Variants in PSD3 observed in about 807,000 individuals in gnomAD.
The protein encoded by PSD3 is pleckstrin and Sec7 domain containing 3, also known as PH and SEC7 domain-containing protein 3.
PSD3 carries 49 observed loss-of-function variants against 105.5 expected under a neutral mutation model. The observed-to-expected ratio is 0.46, with a 90% CI of 0.37 to 0.59. The LOEUF (loss-of-function observed/expected upper bound fraction) is 0.59. Among genes scored for constraint, PSD3 ranks in the 20% least tolerant of loss-of-function variants. PSD3 has a pLI of 0.00. For missense variants in PSD3, 1,561 were observed against 1,263.8 expected (o/e 1.24, Z -3.57); for synonymous variants, 557 against 457.8 (o/e 1.22, Z -2.77).
At chr8:18,973,035 T>G (rs759090736) in intron 1 of PSD3, among the ~76,000 whole-genome samples, 8 of 152,178 alleles carry the variant, frequency 5.3e-5, no homozygotes, top group Non-Finnish European at 1.2e-4. Flanking sequence ...CAATATAGGA[T>G]AATGTAGACC....
At chr8:19,074,611 A>ATATT (rs1324257417) in intron 1 of PSD3, among the ~76,000 whole-genome samples, 17 of 24,214 alleles carry the variant, frequency 7.0e-4, no homozygotes, top group African/African-American at 1.9e-3. Flanking sequence ...ATATATATAT[A>ATATT]TTTTTTTTTT....
intron 12 of PSD3, among the ~76,000 whole-genome samples, chr8:18,581,078 T>C (rs940013848): frequency 6.6e-6 from 1 of 152,190 alleles, no homozygotes; most frequent in South Asian, 2.1e-4. Flanking sequence ...TGAAGCTTTG[T>C]GATAGCAAAG....
chr8:19,069,497 C>A (rs1359154844), intron 1 of PSD3, among the ~76,000 whole-genome samples: 1 of 152,232 alleles, frequency 6.6e-6, no homozygotes, highest in Non-Finnish European at 1.5e-5. Context: ...GCACCCATTA[C>A]ATGTACATCT....
At chr8:18,862,207 C>T (rs117825876) in intron 4 of PSD3, among the ~76,000 whole-genome samples, 102 of 152,076 alleles carry the variant, frequency 6.7e-4, no homozygotes, top group Non-Finnish European at 1.2e-3. Context: ...TCCTCCTTTA[C>T]GAGATAGGTA....
At chr8:18,863,746 T>C (rs1273811086) in intron 4 of PSD3, among the ~76,000 whole-genome samples, 1 of 151,972 alleles carries the variant, frequency 6.6e-6, no homozygotes, top group Admixed American at 6.6e-5. Context: ...TAAAGACAAA[T>C]AGACACGCAC....
chr8:18,868,804 A>T (rs1391850985), intron 3 of PSD3, among the ~76,000 whole-genome samples: 3 of 152,238 alleles, frequency 2.0e-5, no homozygotes, highest in Non-Finnish European at 2.9e-5. Context: ...AAGTAAAATT[A>T]AAAACTTGGG....
intron 8 of PSD3, among the ~76,000 whole-genome samples, chr8:18,790,947 C>A (rs536848414): frequency 4.6e-5 from 7 of 152,204 alleles, no homozygotes; most frequent in Admixed American, 4.6e-4. Context: ...AGCCGACAGC[C>A]AAATCATGAA....
intron 2 of PSD3, among the ~76,000 whole-genome samples, chr8:18,926,377 G>A (rs1050533952): frequency 6.6e-6 from 1 of 151,240 alleles, no homozygotes; most frequent in African/African-American, 2.4e-5. Context: ...TTAGACTTGG[G>A]TGTCATCCTC....
intron 4 of PSD3, among the ~76,000 whole-genome samples, chr8:18,863,779 C>A (rs997309998): frequency 6.6e-5 from 10 of 151,966 alleles, no homozygotes; most frequent in African/African-American, 2.4e-4. Flanking sequence ...CTGTCTTTCC[C>A]AACTGCATAC....
chr8:18,969,242 T>G (rs913710307), intron 1 of PSD3, among the ~76,000 whole-genome samples: 1 of 152,196 alleles, frequency 6.6e-6, no homozygotes, highest in Non-Finnish European at 1.5e-5. Context: ...TAACCATACA[T>G]TCTCTTAAAA....
At chr8:18,604,863 C>A (rs914498942) in intron 11 of PSD3, among the ~76,000 whole-genome samples, 5 of 152,206 alleles carry the variant, frequency 3.3e-5, no homozygotes, top group African/African-American at 1.2e-4. Flanking sequence ...ACTTTAGTGG[C>A]TTCCATGTGG....
At chr8:18,867,362 C>T (rs1232274373) in intron 4 of PSD3, among the ~76,000 whole-genome samples, 2 of 152,176 alleles carry the variant, frequency 1.3e-5, no homozygotes, top group Non-Finnish European at 2.9e-5. Context: ...GTTCGTTTCA[C>T]AGCACCACGT....
At chr8:19,029,821 A>T (rs1466876985) in intron 1 of PSD3, among the ~76,000 whole-genome samples, 1 of 152,172 alleles carries the variant, frequency 6.6e-6, no homozygotes, top group Non-Finnish European at 1.5e-5. Flanking sequence ...CAAAATTTTC[A>T]CTAATAAATT....
chr8:18,950,380 T>C (rs2129470012), intron 1 of PSD3, among the ~76,000 whole-genome samples: 1 of 152,332 alleles, frequency 6.6e-6, no homozygotes, highest in Non-Finnish European at 1.5e-5. Context: ...TGAAATTTAC[T>C]CTCAGTGATT....
chr8:18,919,396 A>T (rs1314149512), intron 2 of PSD3, among the ~76,000 whole-genome samples: 1 of 152,136 alleles, frequency 6.6e-6, no homozygotes. Flanking sequence ...GACCCGTGAG[A>T]ACAGGATTGC....
chr8:18,685,833 A>T (rs1800632446), intron 9 of PSD3, among the ~76,000 whole-genome samples: 1 of 152,176 alleles, frequency 6.6e-6, no homozygotes, highest in Non-Finnish European at 1.5e-5. Flanking sequence ...TAAGAAACTA[A>T]TACCATAATA....
intron 4 of PSD3, among the ~76,000 whole-genome samples, chr8:18,846,832 G>C (rs1411248761): frequency 6.6e-6 from 1 of 151,978 alleles, no homozygotes; most frequent in African/African-American, 2.4e-5. Flanking sequence ...GTTGGTGCTG[G>C]AAAAAACCCT....
intron 1 of PSD3, among the ~76,000 whole-genome samples, chr8:19,083,611 A>T (rs980049433): frequency 2.6e-5 from 4 of 152,206 alleles, no homozygotes; most frequent in Non-Finnish European, 4.4e-5. Flanking sequence ...TTCATGGATG[A>T]CAGTAGGGTG....
chr8:18,559,718 A>C, intron 14 of PSD3, among the ~76,000 whole-genome samples: 1 of 152,164 alleles, frequency 6.6e-6, no homozygotes, highest in South Asian at 2.1e-4. Context: ...TCCAATCTTG[A>C]ATATTCAAAT....
Sources: gnomAD v4.1 joint callset for allele counts (sites outside exome capture counted in the v4.1 genomes callset) on GRCh38, gnomAD v4.1.1 for gene constraint, MANE v1.5 for transcripts, NCBI Gene and HGNC (gene_info 2026-07-23, HGNC 2026-07-21) for gene names.